PTPRH: variants seen among roughly 807,000 people sequenced by gnomAD.
PTPRH encodes protein tyrosine phosphatase receptor type H.
A neutral mutation model predicts 130.2 loss-of-function variants in PTPRH; 113 were observed. That is an observed-to-expected ratio of 0.87 (90% CI 0.75 to 1.01). The LOEUF (loss-of-function observed/expected upper bound fraction) is 1.01, where lower values mean the gene tolerates loss of function less well. PTPRH is among the 50% of genes least tolerant of loss of function. PTPRH has a pLI of 0.00. For synonymous variants in PTPRH, 556 were observed against 577.9 expected, an observed-to-expected ratio of 0.96 and a Z score of 0.54; for missense variants, 1,430 against 1,425.0, an observed-to-expected ratio of 1.00 and a Z score of -0.06.
At chr19:55,200,900 G>A (rs1169807148) in intron 6 of PTPRH, among the ~76,000 whole-genome samples, 5 of 151,286 alleles carry the variant, frequency 3.3e-5, no homozygotes, top group Non-Finnish European at 5.9e-5. Context: ...CCGAGATCGC[G>A]CCACTGCACT....
Position 55,191,747 on chromosome 19 carries a change from G to A in PTPRH, c.2258-6C>T. The A allele has an allele frequency of 6.2e-7, 1 of 1,612,338 alleles. No individual in the cohort carries two copies. The highest frequency in any genetic ancestry group is 8.5e-7 in the Non-Finnish European group (1 of 1,178,552). On this transcript the variant is annotated splice_region_variant and splice_polypyrimidine_tract_variant and intron_variant, in intron 10 of 19. Coordinates refer to ENST00000376350, the MANE Select transcript of PTPRH (RefSeq NM_002842.5). ...AAAGGCTCCGGCAATGACCCCTGTG[G>A]GGAGGAGGCATCGGGAACCCTCAGA...
At chr19:55,186,111 A>G (rs2086316332) in intron 16 of PTPRH, 114 bp downstream of exon 16, 2 of 1,572,902 alleles carry the variant, frequency 1.3e-6, no homozygotes, top group Admixed American at 3.5e-5. Context: ...TACACTGAAG[A>G]CGCCTGGGGT....
chr19:55,185,553 C>G lies in PTPRH; in HGVS notation c.3011G>C (p.Arg1004Pro). Reference protein sequence around the residue: ...DTLLAFWRMLRQWLDQTMEGG... With the variant: ...DTLLAFWRMLPQWLDQTMEGG... ...CTCCATGGTCTGATCCAGCCACTGC[C>G]GAAGCATCCTCCAGAAAGCCAGCAA... The change falls in exon 18 of 20, where the codon CGG becomes CCG. Residue 1004 changes from arginine (R) to proline (P), a missense_variant. Coordinates refer to ENST00000376350, the MANE Select transcript of PTPRH (RefSeq NM_002842.5). 1.9e-6 allele frequency: 3 copies of G among 1,614,152 alleles called. No individual in the cohort carries two copies. Among genetic ancestry groups the G allele is most frequent in the Non-Finnish European group, 2.5e-6 (3 of 1,180,014 alleles).
At chr19:55,189,532 G>A (rs1289198880) in intron 12 of PTPRH, among the ~76,000 whole-genome samples, 3 of 152,106 alleles carry the variant, frequency 2.0e-5, no homozygotes, top group East Asian at 1.9e-4. Context: ...TGAACCTCAC[G>A]TGTGCTGTTG....
At chr19:55,203,136 G>A (rs1056704290) in intron 5 of PTPRH, among the ~76,000 whole-genome samples, 2 of 151,488 alleles carry the variant, frequency 1.3e-5, no homozygotes, top group Non-Finnish European at 2.9e-5. Flanking sequence ...AGACCATCCT[G>A]GCTAACACGG....
rs1263178104 is a variant in PTPRH, at chr19:55,182,020, G to A, written c.3194C>T (p.Thr1065Ile). ...MRESRPLMVQ[T>I]EAQYVFLHQC... ...GTTGCTGAGGGACTGCCTCACCTCAGTCTGCACCATCAACGGCCGACTCTC... is the reference window on the plus strand; with the variant it reads ...GTTGCTGAGGGACTGCCTCACCTCAATCTGCACCATCAACGGCCGACTCTC... Residue 1065 changes from threonine to isoleucine, a missense_variant, in exon 19 of 20, where the codon ACT becomes ATT. By Grantham distance (89) the Thr-to-Ile change is moderately conservative. Coordinates refer to ENST00000376350, the MANE Select transcript of PTPRH (RefSeq NM_002842.5). The A allele has an allele frequency of 4.3e-6, 7 of 1,614,022 alleles. No homozygotes were observed. The highest frequency in any genetic ancestry group is 1.3e-5 in the African/African-American group (1 of 74,916).
In PTPRH at chr19:55,204,191, C is replaced by T. The variant is rs1036906268; in HGVS notation, c.620-143G>A. 1.2e-5 allele frequency: 11 copies of T among 921,148 alleles called. No homozygotes were observed. In the African/African-American group the frequency reaches 1.7e-4, roughly 14 times the overall value. The allele number at this position is 921,148 out of a possible 1,614,324, so 57.1% of individuals were successfully genotyped here. On this transcript the variant is annotated intron_variant, in intron 4 of 19. Coordinates refer to ENST00000376350, the MANE Select transcript of PTPRH (RefSeq NM_002842.5). Reference sequence around the variant, plus strand: ...CTGGAGTGCAGTGGCACGATCTCGGCTCACCACAGCCTCCGCCGTCCGGGT... The same window carrying T: ...CTGGAGTGCAGTGGCACGATCTCGGTTCACCACAGCCTCCGCCGTCCGGGT...
chr19:55,205,455 C>T lies in PTPRH; in HGVS notation c.490G>A (p.Gly164Arg). 2 of 1,614,230 alleles carry T rather than the reference C, an allele frequency of 1.2e-6. No individual in the cohort carries two copies. Among genetic ancestry groups the T allele is most frequent in the Non-Finnish European group, 1.7e-6 (2 of 1,180,038 alleles). Residue 164 changes from glycine (G) to arginine (R), a missense_variant, in exon 4 of 20, where the codon GGG becomes AGG. Physicochemically the swap from Gly to Arg is moderately radical, Grantham distance 125. Transcript: ENST00000376350. ...VEYTGDGGRA[G>R]TRSTAHTNIT... ...TTAGTGTGTGCTGTGCTTCGAGTCC[C>T]TGCTCTGCCACCATCTCCAGTGTAC...
chr19:55,187,632 G>C (rs748631777), intron 13 of PTPRH, 29 bp from the exon 14 acceptor site: 5 of 1,545,564 alleles, frequency 3.2e-6, no homozygotes, highest in Non-Finnish European at 3.6e-6. Flanking sequence ...GGGGTACCTG[G>C]TGTTGGATTT....
intron 18 of PTPRH, among the ~76,000 whole-genome samples, chr19:55,183,309 C>T (rs2086229367): frequency 6.6e-6 from 1 of 151,020 alleles, no homozygotes; most frequent in Admixed American, 6.6e-5. Flanking sequence ...GAGGCTGAGG[C>T]AAGGGAATCA....
intron 6 of PTPRH, 143 bp from the exon 7 acceptor site, chr19:55,200,645 GT>G: frequency 1.0e-6 from 1 of 982,564 alleles, no homozygotes; most frequent in Non-Finnish European, 1.5e-6. Flanking sequence ...TCTAGACCGT[GT>G]TTCTCAGACT....
In PTPRH at chr19:55,207,209, AC is replaced by A. The variant is rs751307353; in HGVS notation, c.52-11del. On this transcript the variant is annotated splice_polypyrimidine_tract_variant and intron_variant, in intron 1 of 19. Coordinates refer to ENST00000376350, the MANE Select transcript of PTPRH (RefSeq NM_002842.5). ...TCCAGCTGCACAGGCCCTGGAGGGAACCCAGAGAAAACGGAGTCAGCCTCTC... is the reference window on the plus strand; with the variant it reads ...TCCAGCTGCACAGGCCCTGGAGGGAACCAGAGAAAACGGAGTCAGCCTCTC... The A allele has an allele frequency of 2.7e-5, 43 of 1,612,386 alleles. No individual in the cohort carries two copies. The highest frequency in any genetic ancestry group is 3.6e-5 in the Non-Finnish European group (43 of 1,179,298).
chr19:55,185,456 A>G, intron 18 of PTPRH, 46 bp downstream of exon 18: 1 of 1,601,342 alleles, frequency 6.2e-7, no homozygotes, highest in Non-Finnish European at 8.5e-7. Context: ...TCTGAGCCCC[A>G]AGGGAGCGGT....
rs1463246687 is a variant in PTPRH, at chr19:55,191,356, T to A, written c.2384+145A>T. ...GGAGTGAGTCACGATGGAAGGGCCG[T>A]GGTCCCTGTCGCAGAGGCATGGGCC... is the stretch of plus-strand genomic sequence containing the variant. On this transcript the variant is annotated intron_variant, in intron 12 of 19. Coordinates refer to ENST00000376350, the MANE Select transcript of PTPRH (RefSeq NM_002842.5). 4 of 921,448 alleles carry A rather than the reference T, an allele frequency of 4.3e-6. No homozygotes were observed. The Middle Eastern group carries it at 1.0e-3, about 235-fold the overall frequency. 57.1% of individuals were successfully genotyped at this position (921,448 alleles called of 1,614,324 possible). A position where few individuals can be genotyped will look rare whatever the true frequency, so the allele number is the denominator to read the frequency against.
chr19:55,189,786 G>C (rs934970285), intron 12 of PTPRH: 13 of 453,716 alleles, frequency 2.9e-5, no homozygotes, highest in African/African-American at 2.6e-4. Flanking sequence ...TTCAAGACCA[G>C]CCTGGGCAAC....
chr19:55,187,341 T>G (rs1261887912), intron 14 of PTPRH, among the ~76,000 whole-genome samples, 172 bp downstream of exon 14: 2 of 66,828 alleles, frequency 3.0e-5, no homozygotes, highest in African/African-American at 1.1e-4. Flanking sequence ...CGAGACTCCG[T>G]CTCAAAAAAA....
In PTPRH at chr19:55,203,764, A is replaced by G. The variant is rs1488846823; in HGVS notation, c.886+18T>C. On this transcript the variant is annotated intron_variant, in intron 5 of 19. Coordinates refer to ENST00000376350, the MANE Select transcript of PTPRH (RefSeq NM_002842.5). ...TCCTTATAAAAGAAATAAAAATAAAACAGCGGCTGCCTCTTACCTGTGGCA... is the reference window on the plus strand; with the variant it reads ...TCCTTATAAAAGAAATAAAAATAAAGCAGCGGCTGCCTCTTACCTGTGGCA... 11 of 1,587,726 alleles carry G rather than the reference A, an allele frequency of 6.9e-6. No homozygotes were observed. Among genetic ancestry groups the G allele is most frequent in the Admixed American group, 3.5e-5 (2 of 57,840 alleles).
chr19:55,191,752 G>A lies in PTPRH; in HGVS notation c.2258-11C>T, dbSNP rs2086543916. Reference sequence around the variant, plus strand: ...CTCCGGCAATGACCCCTGTGGGGAGGAGGCATCGGGAACCCTCAGAGCGCA... The same window carrying A: ...CTCCGGCAATGACCCCTGTGGGGAGAAGGCATCGGGAACCCTCAGAGCGCA... On this transcript the variant is annotated splice_polypyrimidine_tract_variant and intron_variant, in intron 10 of 19. Coordinates refer to ENST00000376350, the MANE Select transcript of PTPRH (RefSeq NM_002842.5). The A allele has an allele frequency of 6.2e-7, 1 of 1,609,338 alleles. No individual in the cohort carries two copies. Among genetic ancestry groups the A allele is most frequent in the Non-Finnish European group, 8.5e-7 (1 of 1,175,836 alleles).
intron 10 of PTPRH, 160 bp from the exon 11 acceptor site, chr19:55,191,901 C>T (rs749767917): frequency 1.1e-5 from 8 of 721,398 alleles, no homozygotes; most frequent in South Asian, 2.9e-5. Context: ...GTTATACTTA[C>T]GCGCTTACCC....
Sources: gnomAD v4.1 joint callset for allele counts (sites outside exome capture counted in the v4.1 genomes callset) on GRCh38, gnomAD v4.1.1 for gene constraint, MANE v1.5 for transcripts, NCBI Gene and HGNC (gene_info 2026-07-23, HGNC 2026-07-21) for gene names.